The following SKAP2 variants were observed in gnomAD, a reference collection of about 807,000 sequenced individuals.
SKAP2 encodes src kinase associated phosphoprotein 2, also known as src kinase-associated phosphoprotein 2.
A neutral mutation model predicts 54.9 loss-of-function variants in SKAP2; 28 were observed. The observed-to-expected ratio is 0.51, with a 90% CI of 0.38 to 0.70. SKAP2 has a LOEUF of 0.70. SKAP2 is among the 30% of genes least tolerant of loss of function. The probability of loss-of-function intolerance (pLI) is 0.00; values close to 1 mark genes in which losing one functional copy is unlikely to be tolerated. For synonymous variants in SKAP2, 137 were observed against 134.3 expected (o/e 1.02, Z -0.14); for missense variants, 356 against 424.1 (o/e 0.84, Z 1.41).
intron 9 of SKAP2, among the ~76,000 whole-genome samples, chr7:26,717,778 G>GT (rs1180084448): frequency 2.0e-5 from 3 of 151,230 alleles, no homozygotes; most frequent in Non-Finnish European, 4.4e-5. Context: ...GTTGCAGGGA[G>GT]TTGAGATCAT....
chr7:26,766,535 T>C (rs955595310), intron 4 of SKAP2, among the ~76,000 whole-genome samples: 4 of 152,224 alleles, frequency 2.6e-5, no homozygotes, highest in Non-Finnish European at 5.9e-5. Context: ...AAAGAGGGCA[T>C]CCTTGTCTTG....
chr7:26,838,586 T>G (rs1236946903), intron 4 of SKAP2, among the ~76,000 whole-genome samples: 1 of 152,184 alleles, frequency 6.6e-6, no homozygotes, highest in Non-Finnish European at 1.5e-5. Flanking sequence ...TTTCAGTTTG[T>G]TTTCCCATTC....
chr7:26,718,111 T>A (rs1787500747), intron 9 of SKAP2, among the ~76,000 whole-genome samples: 1 of 152,132 alleles, frequency 6.6e-6, no homozygotes, highest in African/African-American at 2.4e-5. Flanking sequence ...AGGGCACTCC[T>A]TTGAGGCCTG....
At chr7:26,758,936 C>G (rs1782863050) in intron 4 of SKAP2, among the ~76,000 whole-genome samples, 1 of 152,172 alleles carries the variant, frequency 6.6e-6, no homozygotes, top group African/African-American at 2.4e-5. Context: ...TCCACATGAA[C>G]TAGACATGTT....
At chr7:26,808,354 A>T (rs1784070975) in intron 4 of SKAP2, among the ~76,000 whole-genome samples, 2 of 152,218 alleles carry the variant, frequency 1.3e-5, no homozygotes, top group Admixed American at 1.3e-4. Flanking sequence ...TAAGTAAAAT[A>T]AGCCAGACAC....
chr7:26,709,871 A>G (rs1787259029), intron 9 of SKAP2, among the ~76,000 whole-genome samples: 1 of 152,118 alleles, frequency 6.6e-6, no homozygotes, highest in Non-Finnish European at 1.5e-5. Context: ...TAATGGCCCA[A>G]AGGATTGATG....
intron 4 of SKAP2, among the ~76,000 whole-genome samples, chr7:26,805,217 A>G (rs1784000487): frequency 6.6e-6 from 1 of 152,232 alleles, no homozygotes; most frequent in Non-Finnish European, 1.5e-5. Flanking sequence ...TAATCAGATT[A>G]TGAAACAATC....
intron 4 of SKAP2, among the ~76,000 whole-genome samples, chr7:26,828,198 G>A (rs1191510542): frequency 1.1e-4 from 16 of 152,030 alleles, no homozygotes; most frequent in Admixed American, 8.5e-4. Context: ...ATAACTTAAG[G>A]AAAACTGATA....
chr7:26,795,472 G>A (rs1783756228), intron 4 of SKAP2, among the ~76,000 whole-genome samples: 1 of 152,126 alleles, frequency 6.6e-6, no homozygotes, highest in Non-Finnish European at 1.5e-5. Flanking sequence ...CTTCTTATTA[G>A]TAAGAACCTC....
Position 26,738,823 on chromosome 7 carries a change from C to G in SKAP2, c.441G>C (p.Thr147=). Residue 147 remains threonine (T), a synonymous_variant, in exon 6 of 13, where the codon ACG becomes ACC. Coordinates refer to ENST00000345317, the MANE Select transcript of SKAP2 (RefSeq NM_003930.5). ...WQKRWCALSK[T]VFYYYGSDKD... is the part of the protein sequence containing the mutation. ...TATCACTTCCATAATAATAGAATAC[C>G]GTTTTACTGAGAGCACACCACCGTT... is the stretch of plus-strand genomic sequence containing the variant. 1 of 1,602,338 alleles carries G rather than the reference C, an allele frequency of 6.2e-7. No individual in the cohort carries two copies. The highest frequency in any genetic ancestry group is 8.5e-7 in the Non-Finnish European group (1 of 1,169,820).
chr7:26,782,293 C>T (rs1215880098), intron 4 of SKAP2, among the ~76,000 whole-genome samples: 1 of 152,026 alleles, frequency 6.6e-6, no homozygotes, highest in South Asian at 2.1e-4. Context: ...AGCCAAAAAG[C>T]CTGATTTACC....
At chr7:26,693,121 C>G (rs1045941394) in intron 9 of SKAP2, among the ~76,000 whole-genome samples, 1 of 152,100 alleles carries the variant, frequency 6.6e-6, no homozygotes, top group Non-Finnish European at 1.5e-5. Context: ...CACCTGAGAT[C>G]AGGAGTTCGA....
intron 4 of SKAP2, among the ~76,000 whole-genome samples, chr7:26,828,890 G>A (rs1263516195): frequency 1.3e-5 from 2 of 151,826 alleles, no homozygotes; most frequent in Non-Finnish European, 2.9e-5. Flanking sequence ...AGCCAGGTGT[G>A]GTGGTGTGCG....
At chr7:26,744,440 T>C (rs530906148) in intron 4 of SKAP2, among the ~76,000 whole-genome samples, 5 of 151,978 alleles carry the variant, frequency 3.3e-5, no homozygotes, top group Admixed American at 2.0e-4. Context: ...AAAATGTGTC[T>C]AGATCACAGA....
chr7:26,794,873 G>C (rs1783741586), intron 4 of SKAP2, among the ~76,000 whole-genome samples: 1 of 152,146 alleles, frequency 6.6e-6, no homozygotes, highest in African/African-American at 2.4e-5. Context: ...TGGATATCTT[G>C]TCCAGCCAGC....
chr7:26,658,107 C>T, the SKAP2 span, among the ~76,000 whole-genome samples: 2 of 152,084 alleles, frequency 1.3e-5, no homozygotes, highest in Non-Finnish European at 2.9e-5. Context: ...TTCTCTTTGC[C>T]GCATGAAAAG....
chr7:26,790,536 A>C (rs1783652837), intron 4 of SKAP2, among the ~76,000 whole-genome samples: 1 of 152,182 alleles, frequency 6.6e-6, no homozygotes, highest in African/African-American at 2.4e-5. Flanking sequence ...ACCAGTTATA[A>C]TTCAATTACT....
intron 10 of SKAP2, among the ~76,000 whole-genome samples, chr7:26,689,371 C>T (rs946464208): frequency 1.3e-5 from 2 of 152,108 alleles, no homozygotes; most frequent in Non-Finnish European, 2.9e-5. Context: ...AAAATAATTG[C>T]TGGTTTATCA....
At position 26,668,553 on chromosome 7, in the gene SKAP2, A is replaced by G. The variant is rs761833104; in HGVS notation, c.*1113T>C. On this transcript the variant is annotated 3_prime_UTR_variant, in exon 13 of 13. Transcript: ENST00000345317. ...TTCAGTGCTCTGAGAAGTATATAGA[A>G]AAGCCTCAAATCTGCTGTTCTGCAG... The G allele has an allele frequency of 6.6e-6, 1 of 152,216 alleles. No homozygotes were observed. The highest frequency in any genetic ancestry group is 1.5e-5 in the Non-Finnish European group (1 of 68,044). 9.4% of individuals were successfully genotyped at this position (152,216 alleles called of 1,614,324 possible).
Sources: allele counts gnomAD v4.1 joint callset (sites outside exome capture counted in the v4.1 genomes callset), GRCh38; gene constraint gnomAD v4.1.1; transcripts MANE v1.5; gene names NCBI Gene and HGNC (gene_info 2026-07-23, HGNC 2026-07-21).